The following ADAMTS2 variants were observed in gnomAD, a reference collection of about 807,000 sequenced individuals.
ADAMTS2 encodes A disintegrin and metalloproteinase with thrombospondin motifs 2.
A neutral mutation model predicts 123.0 loss-of-function variants in ADAMTS2; 50 were observed. That is an observed-to-expected ratio of 0.41 (90% CI 0.32 to 0.51). The LOEUF (loss-of-function observed/expected upper bound fraction) is 0.51. ADAMTS2 is among the 20% of genes least tolerant of loss of function. The pLI is 0.35. For missense variants in ADAMTS2, 1,494 were observed against 1,705.2 expected (o/e 0.88, Z 2.18); for synonymous variants, 678 against 695.4 (o/e 0.98, Z 0.39).
At position 179,170,376 on chromosome 5, in the gene ADAMTS2, C is replaced by A. The variant is rs1211559741; in HGVS notation, c.975+10696G>T. On this transcript the variant is annotated intron_variant, in intron 5 of 21. Coordinates refer to ENST00000251582, the MANE Select transcript of ADAMTS2 (RefSeq NM_014244.5). This position sits in a 1 kb window ranked among gnomAD's most constrained non-coding sequence, Gnocchi z 4.3. ...CCAAGTCTGGGTCATGGTCTCACAT[C>A]CCCCAGAGTCTGTCCCCACCGTGGG... Among the ~76,000 whole-genome samples, 2 of 152,076 alleles carry A rather than the reference C, an allele frequency of 1.3e-5. No individual in the cohort carries two copies. The highest frequency in any genetic ancestry group is 2.9e-5 in the Non-Finnish European group (2 of 68,020).
At chr5:179,191,783 A>AG (rs1185404232) in intron 4 of ADAMTS2, among the ~76,000 whole-genome samples, 1 of 152,166 alleles carries the variant, frequency 6.6e-6, no homozygotes, top group African/African-American at 2.4e-5. Context: ...CTGAGGGTGG[A>AG]GGCCAACCCA....
chr5:179,269,820 C>T (rs949174045), intron 3 of ADAMTS2, among the ~76,000 whole-genome samples: 1 of 152,196 alleles, frequency 6.6e-6, no homozygotes, highest in Non-Finnish European at 1.5e-5. Flanking sequence ...GGGCAGAGAA[C>T]AGGGATTGGA....
intron 3 of ADAMTS2, among the ~76,000 whole-genome samples, chr5:179,224,711 A>C (rs577848675): frequency 6.6e-6 from 1 of 152,230 alleles, no homozygotes; most frequent in Non-Finnish European, 1.5e-5. Context: ...CTGGATTTGC[A>C]TGTGAAGTCT....
At chr5:179,340,077 G>A (rs1275670065) in intron 2 of ADAMTS2, among the ~76,000 whole-genome samples, 1 of 152,270 alleles carries the variant, frequency 6.6e-6, no homozygotes, top group Admixed American at 6.5e-5. Flanking sequence ...GTCTCTCTGA[G>A]CCTCAGCCAC....
In ADAMTS2 at chr5:179,308,371, C is replaced by T. The variant is rs933736861; in HGVS notation, c.535-35307G>A. Among the ~76,000 whole-genome samples, 2 of 152,070 alleles carry T rather than the reference C, an allele frequency of 1.3e-5. No individual in the cohort carries two copies. The highest frequency in any genetic ancestry group is 2.1e-4 in the South Asian group (1 of 4,814). Reference sequence around the variant, plus strand: ...CTCAGCGGTGCCCAGAGAGAGCACTCGAAATGCCAGCTGGAAAGGTCACGC... The same window carrying T: ...CTCAGCGGTGCCCAGAGAGAGCACTTGAAATGCCAGCTGGAAAGGTCACGC... On this transcript the variant is annotated intron_variant, in intron 2 of 21. Coordinates refer to ENST00000251582, the MANE Select transcript of ADAMTS2 (RefSeq NM_014244.5). This position sits in a 1 kb window ranked among gnomAD's most constrained non-coding sequence, Gnocchi z 6.6.
chr5:179,318,409 AAGG>A (rs893960389), intron 2 of ADAMTS2, among the ~76,000 whole-genome samples: 18 of 151,980 alleles, frequency 1.2e-4, no homozygotes, highest in Non-Finnish European at 1.6e-4. Context: ...ATGGGGAGAG[AAGG>A]AGATGCCGGG....
At chr5:179,270,014 T>C (rs921697260) in intron 3 of ADAMTS2, among the ~76,000 whole-genome samples, 1 of 152,102 alleles carries the variant, frequency 6.6e-6, no homozygotes, top group African/African-American at 2.4e-5. Flanking sequence ...CCTCACCCCT[T>C]GCCCCTCCTA....
chr5:179,314,184 G>A lies in ADAMTS2; in HGVS notation c.534+29583C>T, dbSNP rs1756912756. Among the ~76,000 whole-genome samples the A allele has an allele frequency of 1.3e-5, 2 of 152,262 alleles. No homozygotes were observed. The highest frequency in any genetic ancestry group is 4.8e-5 in the African/African-American group (2 of 41,472). ...GGAGCACACAGACCGGCCAGGGCCA[G>A]GGCCAGGACTGGCATTTCCCGGGCT... On this transcript the variant is annotated intron_variant, in intron 2 of 21. Coordinates refer to ENST00000251582, the MANE Select transcript of ADAMTS2 (RefSeq NM_014244.5). This position sits in a 1 kb window ranked among gnomAD's most constrained non-coding sequence, Gnocchi z 4.5.
At chr5:179,150,629 GC>G (rs1464868132) in intron 10 of ADAMTS2, among the ~76,000 whole-genome samples, 1 of 152,202 alleles carries the variant, frequency 6.6e-6, no homozygotes, top group Non-Finnish European at 1.5e-5. Context: ...ACACAGGATG[GC>G]CCTTGGAAAC....
intron 2 of ADAMTS2, among the ~76,000 whole-genome samples, chr5:179,321,884 C>G (rs1428774379): frequency 6.6e-6 from 1 of 152,154 alleles, no homozygotes; most frequent in African/African-American, 2.4e-5. Context: ...GACCCAAGTG[C>G]CTGGAGATCC....
chr5:179,133,220 T>C (rs529000816), intron 13 of ADAMTS2, among the ~76,000 whole-genome samples: 1 of 152,278 alleles, frequency 6.6e-6, no homozygotes, highest in Non-Finnish European at 1.5e-5. Flanking sequence ...GCAGGCACCG[T>C]CCCTGGCTTG....
chr5:179,128,479 G>A lies in ADAMTS2; in HGVS notation c.2458-361C>T, dbSNP rs1221213988. Among the ~76,000 whole-genome samples, 1 of 151,992 alleles carries A rather than the reference G, an allele frequency of 6.6e-6. No individual in the cohort carries two copies. The highest frequency in any genetic ancestry group is 1.5e-5 in the Non-Finnish European group (1 of 67,992). ...ACGATCTCGGCTCACTGCAACCTCC[G>A]CCTCCCAGGTTCAAGCGATTCTCCT... On this transcript the variant is annotated intron_variant, in intron 16 of 21. Transcript: ENST00000251582. This position sits in a 1 kb window ranked among gnomAD's most constrained non-coding sequence, Gnocchi z 4.9.
rs1326930493 is a variant in ADAMTS2, at chr5:179,209,464, G to A, written c.689-1749C>T. 2.6e-5 allele frequency among the ~76,000 whole-genome samples: 4 copies of A among 152,076 alleles called. No individual in the cohort carries two copies. The East Asian group carries it at 7.7e-4, about 29-fold the overall frequency. On this transcript the variant is annotated intron_variant, in intron 3 of 21. Transcript: ENST00000251582. ...GCTGCTGGGGTTCCAGTACCTTCGG[G>A]GGTCCTTGTGCCACCCCCAGCTCCA...
At chr5:179,342,013 C>T (rs1048481785) in intron 2 of ADAMTS2, among the ~76,000 whole-genome samples, 3 of 152,244 alleles carry the variant, frequency 2.0e-5, no homozygotes, top group African/African-American at 7.2e-5. Flanking sequence ...GGAGCACACT[C>T]TCCAAGTCCT....
Position 179,272,935 on chromosome 5 carries a change from C to T in ADAMTS2, c.664G>A (p.Gly222Arg), listed in dbSNP as rs777752024. The change falls in exon 3 of 22, where the codon GGG becomes AGG. Residue 222 changes from glycine to arginine, a missense_variant. Transcript: ENST00000251582. The surrounding 1 kb of genome is among the most constrained non-coding windows in gnomAD (Gnocchi z 5.8). ...CCTGTGTCCAGGGCCTGTGGCCCCC[C>T]GAGAGGAGGGGACGTGGGTGGCCGG... Reference protein sequence around the residue: ...YRRPPTSPPLGGPQALDTGAS... With the variant: ...YRRPPTSPPLRGPQALDTGAS... The T allele has an allele frequency of 5.0e-6, 8 of 1,611,018 alleles. No homozygotes were observed. Among genetic ancestry groups the T allele is most frequent in the South Asian group, 4.4e-5 (4 of 91,072 alleles).
At chr5:179,124,838 G>C (rs545003323) in intron 19 of ADAMTS2, 135 bp downstream of exon 19, 1 of 1,600,386 alleles carries the variant, frequency 6.2e-7, no homozygotes, top group Non-Finnish European at 8.5e-7. Flanking sequence ...CAGGCCGGGC[G>C]TCATTGCAGT....
rs535903228 is a variant in ADAMTS2, at chr5:179,207,627, C to T, written c.777G>A (p.Arg259=). The T allele has an allele frequency of 6.2e-7, 1 of 1,613,832 alleles. No homozygotes were observed. The highest frequency in any genetic ancestry group is 1.1e-5 in the South Asian group (1 of 91,090). ...HANSSRRRAR[R]HAADDDYNIE... is the part of the protein sequence containing the mutation. ...TGTTGTAGTCATCGTCCGCAGCATG[C>T]CTGCGTGCCCTCCGCCTCGAGCTGT... The change falls in exon 4 of 22, where the codon AGG becomes AGA. Residue 259 remains arginine, a synonymous_variant. Coordinates refer to ENST00000251582, the MANE Select transcript of ADAMTS2 (RefSeq NM_014244.5).
chr5:179,324,288 T>G (rs1757255566), intron 2 of ADAMTS2, among the ~76,000 whole-genome samples: 1 of 152,216 alleles, frequency 6.6e-6, no homozygotes, highest in Non-Finnish European at 1.5e-5. Context: ...GTAAAATACA[T>G]AGTATGTGAA....
chr5:179,179,139 G>T (rs1354666228), intron 5 of ADAMTS2, among the ~76,000 whole-genome samples: 1 of 151,720 alleles, frequency 6.6e-6, no homozygotes, highest in African/African-American at 2.4e-5. Context: ...TAGAGACAGG[G>T]TTTCACCACG....
Sources: allele counts gnomAD v4.1 joint callset (sites outside exome capture counted in the v4.1 genomes callset), GRCh38; gene constraint gnomAD v4.1.1; non-coding constraint Gnocchi (gnomAD v3.1); transcripts MANE v1.5; gene names NCBI Gene and HGNC (gene_info 2026-07-23, HGNC 2026-07-21).